HFM1: variants seen among roughly 807,000 people sequenced by gnomAD.
HFM1 encodes probable ATP-dependent DNA helicase HFM1.
In HFM1, 169 loss-of-function variants were observed where a neutral mutation model predicts 192.1. That is an observed-to-expected ratio of 0.88 (90% CI 0.78 to 1.00). The LOEUF (loss-of-function observed/expected upper bound fraction) is 1.00. HFM1 is among the 50% of genes least tolerant of loss of function. The probability of loss-of-function intolerance (pLI) is 0.00; values close to 1 mark genes in which losing one functional copy is unlikely to be tolerated. For missense variants in HFM1, 1,661 were observed against 1,668.0 expected, an observed-to-expected ratio of 1.00 and a Z score of 0.07; for synonymous variants, 525 against 537.8, an observed-to-expected ratio of 0.98 and a Z score of 0.33.
chr1:91,399,262 T>C (rs769405011), intron 2 of HFM1, among the ~76,000 whole-genome samples: 57 of 152,170 alleles, frequency 3.7e-4, no homozygotes, highest in Admixed American at 2.0e-4. Context: ...ATATGTATTA[T>C]AGTCTGCCTT....
At chr1:91,363,923 A>T (rs1348245150) in intron 13 of HFM1, among the ~76,000 whole-genome samples, 1 of 152,190 alleles carries the variant, frequency 6.6e-6, no homozygotes, top group Non-Finnish European at 1.5e-5. Flanking sequence ...TCCTCAGCAA[A>T]CTAACACAGG....
At chr1:91,367,083 C>A (rs1378642198) in intron 13 of HFM1, among the ~76,000 whole-genome samples, 1 of 152,158 alleles carries the variant, frequency 6.6e-6, no homozygotes, top group Non-Finnish European at 1.5e-5. Flanking sequence ...ATTGCCGAGG[C>A]TTGAGTAGGT....
intron 20 of HFM1, chr1:91,329,105 C>A: frequency 6.2e-7 from 1 of 1,609,932 alleles, no homozygotes; most frequent in Admixed American, 1.7e-5. Context: ...GTATTGGGCC[C>A]AAGCGGGCTG....
chr1:91,287,797 C>T (rs1557783273), intron 30 of HFM1, among the ~76,000 whole-genome samples: 1 of 151,470 alleles, frequency 6.6e-6, no homozygotes, highest in Non-Finnish European at 1.5e-5. Flanking sequence ...ACTAGAATAA[C>T]CAATACAGAG....
chr1:91,293,313 G>A (rs1342837515), intron 30 of HFM1, among the ~76,000 whole-genome samples: 1 of 151,884 alleles, frequency 6.6e-6, no homozygotes, highest in East Asian at 1.9e-4. Flanking sequence ...TCTGACAAAG[G>A]GCTAATATCC....
intron 30 of HFM1, among the ~76,000 whole-genome samples, chr1:91,307,032 T>C (rs1649707327): frequency 6.6e-6 from 1 of 152,184 alleles, no homozygotes; most frequent in Non-Finnish European, 1.5e-5. Flanking sequence ...TGATATACAA[T>C]GTAATATCCT....
At chr1:91,324,511 T>C (rs1337059862) in intron 21 of HFM1, among the ~76,000 whole-genome samples, 164 bp downstream of exon 21, 1 of 152,228 alleles carries the variant, frequency 6.6e-6, no homozygotes, top group East Asian at 1.9e-4. Context: ...GAAAGACTAT[T>C]CCATATCTCA....
chr1:91,347,395 T>G, intron 19 of HFM1, 34 bp downstream of exon 19: 1 of 1,277,540 alleles, frequency 7.8e-7, no homozygotes, highest in Non-Finnish European at 1.1e-6. Flanking sequence ...CTAAAATATA[T>G]AGAATCTAAT....
chr1:91,292,050 C>T (rs573555416), intron 30 of HFM1, among the ~76,000 whole-genome samples: 43 of 152,152 alleles, frequency 2.8e-4, no homozygotes, highest in Non-Finnish European at 5.1e-4. Context: ...TGGGACGTAT[C>T]TCAAAATAAT....
chr1:91,319,867 C>T (rs533855587), intron 23 of HFM1, among the ~76,000 whole-genome samples: 1 of 152,144 alleles, frequency 6.6e-6, no homozygotes, highest in East Asian at 1.9e-4. Context: ...TTATTAAGTG[C>T]CAGGCATAGT....
intron 18 of HFM1, among the ~76,000 whole-genome samples, chr1:91,348,880 C>T (rs376692949): frequency 2.0e-5 from 3 of 152,030 alleles, no homozygotes; most frequent in African/African-American, 7.2e-5. Context: ...GCTGTGATCA[C>T]ACCATTGGAC....
At chr1:91,357,592 G>A (rs977524473) in intron 13 of HFM1, among the ~76,000 whole-genome samples, 2 of 151,822 alleles carry the variant, frequency 1.3e-5, no homozygotes, top group Admixed American at 1.3e-4. Context: ...CACAGTACTG[G>A]AAGTACTACC....
Position 91,274,779 on chromosome 1 carries a change from G to T in HFM1, c.3619C>A (p.Leu1207Ile). The change falls in exon 33 of 39, where the codon CTT (leucine) becomes ATT (isoleucine). Residue 1207 changes from leucine to isoleucine, a missense_variant. Coordinates refer to ENST00000370425, the MANE Select transcript of HFM1 (RefSeq NM_001017975.6). ...TTTGGAGTAAAACCAAACTCTTTAA[G>T]GTCCACACTTTGAGATTTATTCATC... ...IQMNKSQSVD[L>I]KEFGFTPKPS... 1 of 1,574,356 alleles carries T rather than the reference G, an allele frequency of 6.4e-7. No homozygotes were observed. The highest frequency in any genetic ancestry group is 8.7e-7 in the Non-Finnish European group (1 of 1,146,482).
At chr1:91,289,040 C>T (rs1486039822) in intron 30 of HFM1, among the ~76,000 whole-genome samples, 16 of 149,326 alleles carry the variant, frequency 1.1e-4, no homozygotes, top group East Asian at 2.1e-4. Flanking sequence ...GCTGGCCGGG[C>T]GGGGGCTGCC....
intron 1 of HFM1, among the ~76,000 whole-genome samples, chr1:91,401,917 T>TA (rs367822100): frequency 0.29 from 43,323 of 148,554 alleles, 6,435 homozygotes; most frequent in Non-Finnish European, 0.33. Context: ...CAAATGTGAT[T>TA]AAAAAAAAAA....
At chr1:91,273,870 G>T in intron 33 of HFM1, 55 bp from the exon 34 acceptor site, 2 of 946,976 alleles carry the variant, frequency 2.1e-6, no homozygotes, top group Non-Finnish European at 1.6e-6. Flanking sequence ...ATTAATCTAA[G>T]CCTGAAAACT....
Position 91,274,369 on chromosome 1 carries a change from G to T in HFM1, c.3668+361C>A, listed in dbSNP as rs368670506. On this transcript the variant is annotated intron_variant, in intron 33 of 38. Coordinates refer to ENST00000370425, the MANE Select transcript of HFM1 (RefSeq NM_001017975.6). ...ATAAATCTGAGATATTATTAATATG[G>T]ACTGAGCTTCTAAATGGAAAGGTTA... 3.9e-5 allele frequency among the ~76,000 whole-genome samples: 6 copies of T among 152,018 alleles called. No individual in the cohort carries two copies. The South Asian group carries it at 1.2e-3, about 32-fold the overall frequency.
At chr1:91,371,147 C>A (rs927694076) in intron 13 of HFM1, among the ~76,000 whole-genome samples, 92 of 149,934 alleles carry the variant, frequency 6.1e-4, no homozygotes, top group Non-Finnish European at 2.4e-4. Context: ...AATCAATATC[C>A]TGAAAATGGC....
At chr1:91,298,854 T>C (rs1160616355) in intron 30 of HFM1, among the ~76,000 whole-genome samples, 4 of 152,064 alleles carry the variant, frequency 2.6e-5, no homozygotes, top group Admixed American at 6.6e-5. Flanking sequence ...GTAAAGACCA[T>C]CGAGGCTAGG....
Sources: gnomAD v4.1 joint callset for allele counts (sites outside exome capture counted in the v4.1 genomes callset) on GRCh38, gnomAD v4.1.1 for gene constraint, MANE v1.5 for transcripts, NCBI Gene and HGNC (gene_info 2026-07-23, HGNC 2026-07-21) for gene names.